The following ZCRB1 variants were observed in gnomAD, a reference collection of about 807,000 sequenced individuals.
The protein encoded by ZCRB1 is zinc finger CCHC-type and RNA-binding motif-containing protein 1.
A neutral mutation model predicts 29.9 loss-of-function variants in ZCRB1; 21 were observed. The observed-to-expected ratio is 0.70, with a 90% CI of 0.50 to 1.01. ZCRB1 has a LOEUF of 1.01. ZCRB1 is among the 50% of genes least tolerant of loss of function. ZCRB1 has a pLI of 0.00. For missense variants in ZCRB1, 204 were observed against 253.3 expected, an observed-to-expected ratio of 0.81 and a Z score of 1.32; for synonymous variants, 77 against 80.0, an observed-to-expected ratio of 0.96 and a Z score of 0.20.
At chr12:42,314,870 C>A (rs1050010733) in intron 5 of ZCRB1, among the ~76,000 whole-genome samples, 1 of 151,832 alleles carries the variant, frequency 6.6e-6, no homozygotes, top group Non-Finnish European at 1.5e-5. Flanking sequence ...AAGAATTGAT[C>A]GAACGCGGGA....
intron 1 of ZCRB1, among the ~76,000 whole-genome samples, chr12:42,324,640 T>C (rs1290461422): frequency 3.9e-5 from 6 of 152,220 alleles, no homozygotes; most frequent in African/African-American, 1.4e-4. Flanking sequence ...AAGGAATTCC[T>C]TTTTCCCAGT....
intron 1 of ZCRB1, 21 bp from the exon 2 acceptor site, chr12:42,324,125 A>G (rs534088409): frequency 8.3e-5 from 133 of 1,600,270 alleles, no homozygotes; most frequent in Admixed American, 2.2e-4. Flanking sequence ...AAACAAACTT[A>G]TCAGCAATCA....
intron 5 of ZCRB1, 40 bp downstream of exon 5, chr12:42,317,300 T>C (rs1397574917): frequency 1.4e-6 from 2 of 1,465,508 alleles, no homozygotes; most frequent in Non-Finnish European, 1.9e-6. Context: ...AAAAGTATCT[T>C]AAACTATGGA....
chr12:42,319,612 G>A (rs189414838), intron 3 of ZCRB1, among the ~76,000 whole-genome samples: 5 of 152,040 alleles, frequency 3.3e-5, no homozygotes, highest in East Asian at 3.9e-4. Flanking sequence ...TCATTCTTTC[G>A]GGGTTCAGGT....
At chr12:42,319,585 G>T (rs958525750) in intron 3 of ZCRB1, among the ~76,000 whole-genome samples, 9 of 152,250 alleles carry the variant, frequency 5.9e-5, no homozygotes, top group African/African-American at 2.2e-4. Flanking sequence ...CTGAATCACT[G>T]CTCATTAAAA....
In ZCRB1 at chr12:42,322,465, T is replaced by C; in HGVS notation, c.85-19A>G. 1 of 1,475,116 alleles carries C rather than the reference T, an allele frequency of 6.8e-7. No individual in the cohort carries two copies. The highest frequency in any genetic ancestry group is 2.4e-5 in the East Asian group (1 of 40,940). 91.4% of individuals were successfully genotyped at this position (1,475,116 alleles called of 1,614,324 possible). A position where few individuals can be genotyped will look rare whatever the true frequency, so the allele number is the denominator to read the frequency against. Reference sequence around the variant, plus strand: ...AAAATATCTGAAACAAAAGACCAAATATTTACAATTTATTTTAAAATCATA... The same window carrying C: ...AAAATATCTGAAACAAAAGACCAAACATTTACAATTTATTTTAAAATCATA... On this transcript the variant is annotated intron_variant, in intron 2 of 7. Transcript: ENST00000266529.
At chr12:42,317,530 A>G in intron 4 of ZCRB1, 83 bp from the exon 5 acceptor site, 1 of 1,202,388 alleles carries the variant, frequency 8.3e-7, no homozygotes. Context: ...TCAAATCTTC[A>G]ATTCCAGTTT....
chr12:42,314,282 G>A (rs544858583), intron 5 of ZCRB1, among the ~76,000 whole-genome samples: 55 of 151,412 alleles, frequency 3.6e-4, no homozygotes, highest in Admixed American at 2.3e-3. Flanking sequence ...CAGTTTGGTC[G>A]GGCGCGGTGG....
intron 3 of ZCRB1, among the ~76,000 whole-genome samples, chr12:42,319,048 T>C (rs540702035): frequency 6.6e-6 from 1 of 152,304 alleles, no homozygotes; most frequent in African/African-American, 2.4e-5. Flanking sequence ...AAATCACCAA[T>C]TTGACAGAAA....
intron 3 of ZCRB1, among the ~76,000 whole-genome samples, chr12:42,318,580 C>T (rs1169696208): frequency 1.3e-5 from 2 of 152,226 alleles, no homozygotes; most frequent in Non-Finnish European, 2.9e-5. Flanking sequence ...GCCCCATCCA[C>T]ATCCCTAGTC....
rs996993626 is a variant in ZCRB1, at chr12:42,313,867, T to C, written c.446+7A>G. The C allele has an allele frequency of 3.1e-6, 5 of 1,601,092 alleles. No homozygotes were observed. Among genetic ancestry groups the C allele is most frequent in the Admixed American group, 1.8e-5 (1 of 56,288 alleles). ...GATGATGTATTTAGTAAGAATAATATACATACATTTCTTCTTCTGGTTCAG... is the reference window on the plus strand; with the variant it reads ...GATGATGTATTTAGTAAGAATAATACACATACATTTCTTCTTCTGGTTCAG... On this transcript the variant is annotated splice_region_variant and intron_variant, in intron 6 of 7. Coordinates refer to ENST00000266529, the MANE Select transcript of ZCRB1 (RefSeq NM_033114.4).
Position 42,314,057 on chromosome 12 carries a change from C to A in ZCRB1, c.334-71G>T, listed in dbSNP as rs1328207567. 9 of 1,497,918 alleles carry A rather than the reference C, an allele frequency of 6.0e-6. No homozygotes were observed. In the East Asian group the frequency reaches 2.1e-4, roughly 35 times the overall value. The allele number at this position is 1,497,918 out of a possible 1,614,324, so 92.8% of individuals were successfully genotyped here. On this transcript the variant is annotated intron_variant, in intron 5 of 7. Transcript: ENST00000266529. ...GTTATTTATAAAAACTTGCCTGGTA[C>A]CTTATTACTAAAAAGTTTTCAAATT...
In ZCRB1 at chr12:42,317,330, G is replaced by A; in HGVS notation, c.333+10C>T. 6.3e-7 allele frequency: 1 copy of A among 1,584,048 alleles called. No homozygotes were observed. The highest frequency in any genetic ancestry group is 1.2e-5 in the South Asian group (1 of 86,416). ...TATGGAAAGTTCCATTAAGTTTTAG[G>A]TTTACTTACCCCACATTCATAACAC... On this transcript the variant is annotated intron_variant, in intron 5 of 7. Transcript: ENST00000266529.
chr12:42,315,302 GT>G (rs2068589599), intron 5 of ZCRB1, among the ~76,000 whole-genome samples: 1 of 152,152 alleles, frequency 6.6e-6, no homozygotes, highest in Admixed American at 6.5e-5. Context: ...CATTTAAGAG[GT>G]TATGTCAGGG....
intron 5 of ZCRB1, among the ~76,000 whole-genome samples, chr12:42,314,360 G>T (rs2068584218): frequency 8.6e-6 from 1 of 115,980 alleles, no homozygotes; most frequent in South Asian, 3.0e-4. Flanking sequence ...TGGAGTTTGA[G>T]ACCAGACTAA....
intron 2 of ZCRB1, chr12:42,323,698 C>T: frequency 3.8e-6 from 1 of 266,358 alleles, no homozygotes; most frequent in Non-Finnish European, 7.1e-6. Context: ...GTGGTGTGAC[C>T]TTGGCTCACT....
At chr12:42,323,736 A>G (rs1216929030) in intron 2 of ZCRB1, 3 of 362,010 alleles carry the variant, frequency 8.3e-6, no homozygotes, top group African/African-American at 6.3e-5. Flanking sequence ...GGCTCAAGCA[A>G]TCTTCCAACC....
rs1279930931 is a variant in ZCRB1, at chr12:42,317,882, C to A, written c.130G>T (p.Asp44Tyr). 5 of 1,613,414 alleles carry A rather than the reference C, an allele frequency of 3.1e-6. No individual in the cohort carries two copies. The highest frequency in any genetic ancestry group is 4.2e-6 in the Non-Finnish European group (5 of 1,179,600). The change falls in exon 4 of 8, where the codon GAT (aspartate) becomes TAT (tyrosine). Residue 44 changes from aspartate (D) to tyrosine (Y), a missense_variant. Asp to Tyr is a radical substitution (Grantham distance 160). Coordinates refer to ENST00000266529, the MANE Select transcript of ZCRB1 (RefSeq NM_033114.4). Reference sequence around the variant, plus strand: ...CCTTTACTCTTCCTGGTATCTTTATCTTTCATGATGGTAACCCTTAAAGCA... The same window carrying A: ...CCTTTACTCTTCCTGGTATCTTTATATTTCATGATGGTAACCCTTAAAGCA... ...GKVVKVTIMKDKDTRKSKGVA... is the reference protein window; with the variant it reads ...GKVVKVTIMKYKDTRKSKGVA...
chr12:42,317,699 C>G, intron 4 of ZCRB1, 88 bp downstream of exon 4: 1 of 1,129,438 alleles, frequency 8.9e-7, no homozygotes, highest in East Asian at 2.4e-5. Flanking sequence ...TCTGCTAGAC[C>G]TGATGATCCA....
Sources: gnomAD v4.1 joint callset for allele counts (sites outside exome capture counted in the v4.1 genomes callset) on GRCh38, gnomAD v4.1.1 for gene constraint, MANE v1.5 for transcripts, NCBI Gene and HGNC (gene_info 2026-07-23, HGNC 2026-07-21) for gene names.